Variants in KLHDC4 observed in about 807,000 individuals in gnomAD.
KLHDC4 encodes the protein kelch domain-containing protein 4.
Under a neutral mutation model 62.4 loss-of-function variants are expected in KLHDC4, and 90 were observed. That is an observed-to-expected ratio of 1.44 (90% CI 1.22 to 1.72). The LOEUF (loss-of-function observed/expected upper bound fraction) is 1.72, where lower values mean the gene tolerates loss of function less well. KLHDC4 is among the 40% of genes most tolerant of loss of function. KLHDC4 has a pLI of 0.00. For missense variants in KLHDC4, 1,025 were observed against 699.7 expected, an observed-to-expected ratio of 1.47 and a Z score of -5.25; for synonymous variants, 386 against 284.4, an observed-to-expected ratio of 1.36 and a Z score of -3.59.
At chr16:87,746,613 T>C (rs1233085328) in intron 5 of KLHDC4, among the ~76,000 whole-genome samples, 3 of 152,152 alleles carry the variant, frequency 2.0e-5, no homozygotes, top group Admixed American at 1.3e-4. Flanking sequence ...CAGGTCTCCC[T>C]TGCTAATGGT....
chr16:87,711,086 ACAGT>A lies in KLHDC4; in HGVS notation c.1044+145_1044+148del, dbSNP rs775167881. The A allele has an allele frequency of 3.9e-4, 266 of 688,342 alleles. 1 individual carries two copies. The East Asian group carries it at 4.1e-3, about 11-fold the overall frequency. 42.6% of individuals were successfully genotyped at this position (688,342 alleles called of 1,614,324 possible). A position where few individuals can be genotyped will look rare whatever the true frequency, so the allele number is the denominator to read the frequency against. On this transcript the variant is annotated intron_variant, in intron 9 of 11. Transcript: ENST00000270583. ...GGCTCTCCAAGCCTAGTCACCCAGG[ACAGT>A]CAGAGACGGAACCCTCGCCCCTCTT... is the stretch of plus-strand genomic sequence containing the variant.
intron 6 of KLHDC4, among the ~76,000 whole-genome samples, chr16:87,728,271 T>C (rs1456200536): frequency 6.6e-6 from 1 of 152,206 alleles, no homozygotes; most frequent in South Asian, 2.1e-4. Context: ...GCTCTTAATA[T>C]AGATAGAATC....
exon 1 of KLHDC4, chr16:87,700,774 G>C (rs1024643567): frequency 1.3e-5 from 3 of 224,608 alleles, no homozygotes; most frequent in African/African-American, 7.8e-5. Flanking sequence ...AGATTGGAGG[G>C]CGGAGGGAGG....
intron 2 of KLHDC4, among the ~76,000 whole-genome samples, chr16:87,759,688 C>T (rs542038463): frequency 4.9e-4 from 72 of 148,444 alleles, no homozygotes; most frequent in Middle Eastern, 3.7e-3. Context: ...TACAGTGAGC[C>T]GAGATCGTGC....
intron 8 of KLHDC4, among the ~76,000 whole-genome samples, chr16:87,714,118 CCA>C: frequency 6.6e-6 from 1 of 152,250 alleles, no homozygotes; most frequent in East Asian, 1.9e-4. Flanking sequence ...CCAGGCAGCC[CCA>C]GTGACTCCTG....
chr16:87,762,204 A>C (rs1332637557), intron 1 of KLHDC4, 164 bp from the exon 2 acceptor site: 1 of 1,405,866 alleles, frequency 7.1e-7, no homozygotes, highest in Middle Eastern at 2.6e-4. Flanking sequence ...GACACATTCG[A>C]AAGTAACCAG....
At chr16:87,744,988 C>T (rs1013075127) in intron 5 of KLHDC4, among the ~76,000 whole-genome samples, 1 of 151,814 alleles carries the variant, frequency 6.6e-6, no homozygotes, top group African/African-American at 2.4e-5. Flanking sequence ...TGCACACACG[C>T]GGTGCACACA....
intron 6 of KLHDC4, among the ~76,000 whole-genome samples, chr16:87,730,076 C>A (rs2040072841): frequency 6.6e-6 from 1 of 152,234 alleles, no homozygotes; most frequent in South Asian, 2.1e-4. Flanking sequence ...GCCTCAGCCT[C>A]CTGAGTAGCT....
intron 6 of KLHDC4, 31 bp downstream of exon 6, chr16:87,730,521 A>G (rs1212865019): frequency 1.6e-5 from 25 of 1,559,388 alleles, no homozygotes; most frequent in Non-Finnish European, 2.1e-5. Context: ...ATGCTTCAGG[A>G]GAGAAAGATT....
chr16:87,703,132 G>A (rs1050490655), downstream of KLHDC4: 28 of 152,388 alleles, frequency 1.8e-4, no homozygotes, highest in Admixed American at 7.8e-4. Context: ...CAATGGATGT[G>A]TGGACAGAGC....
chr16:87,701,535 A>ACGTGAGCC, exon 1 of KLHDC4: 1 of 380,414 alleles, frequency 2.6e-6, no homozygotes, highest in Non-Finnish European at 5.4e-6. Flanking sequence ...CACAGGCCAC[A>ACGTGAGCC]GTGTGGGCGT....
At chr16:87,744,416 CA>C (rs34553451) in intron 5 of KLHDC4, among the ~76,000 whole-genome samples, 31,298 of 108,108 alleles carry the variant, frequency 0.29, 3,647 homozygotes, top group South Asian at 0.49. Flanking sequence ...ACTCCGTCTC[CA>C]AAAAAAAAAA....
intron 7 of KLHDC4, among the ~76,000 whole-genome samples, chr16:87,725,459 C>T (rs1200248543): frequency 6.6e-6 from 1 of 152,186 alleles, no homozygotes; most frequent in African/African-American, 2.4e-5. Flanking sequence ...GCCACCGCGC[C>T]CAGCCTAAGC....
exon 1 of KLHDC4, chr16:87,701,355 G>A (rs565852558): frequency 9.5e-6 from 3 of 314,698 alleles, no homozygotes; most frequent in African/African-American, 2.2e-5. Flanking sequence ...ATACTGTGGA[G>A]AGAAGCTGAA....
chr16:87,727,530 G>A (rs2039585947), intron 6 of KLHDC4, among the ~76,000 whole-genome samples: 1 of 152,152 alleles, frequency 6.6e-6, no homozygotes, highest in African/African-American at 2.4e-5. Context: ...CTCTGTGCCC[G>A]AAATCACAGC....
chr16:87,702,519 G>A (rs118075941), exon 1 of KLHDC4: 13 of 355,990 alleles, frequency 3.7e-5, no homozygotes, highest in Non-Finnish European at 6.1e-5. Context: ...AGGCATGTCC[G>A]TGGCCTCCTC....
chr16:87,723,820 T>C (rs192570204), intron 7 of KLHDC4, among the ~76,000 whole-genome samples: 82 of 152,366 alleles, frequency 5.4e-4, no homozygotes, highest in Non-Finnish European at 1.0e-3. Flanking sequence ...AGGTATTCAA[T>C]GGAGAATAAA....
chr16:87,760,974 A>G (rs1400552294), intron 2 of KLHDC4, among the ~76,000 whole-genome samples: 1 of 152,174 alleles, frequency 6.6e-6, no homozygotes, highest in Non-Finnish European at 1.5e-5. Context: ...CAGAGGTTGT[A>G]GTGAGCCAAG....
rs772709602 is a variant in KLHDC4 at position 87,711,266 on chromosome 16, G to A, written c.1013C>T (p.Thr338Ile). 1.2e-6 allele frequency: 2 copies of A among 1,614,128 alleles called. No homozygotes were observed. The highest frequency in any genetic ancestry group is 1.7e-6 in the Non-Finnish European group (2 of 1,180,034). Residue 338 changes from threonine to isoleucine, a missense_variant, in exon 9 of 12, where the codon ACC becomes ATC. Physicochemically the swap from Thr to Ile is moderately conservative, Grantham distance 89. Coordinates refer to ENST00000270583, the MANE Select transcript of KLHDC4 (RefSeq NM_017566.4). ...FFNDLYFYDA[T>I]RNRWFEGQLK... Reference sequence around the variant, plus strand: ...CTGTCCCTCAAACCAACGGTTCCTGGTGGCGTCGTAGAAGTACAGATCGTT... The same window carrying A: ...CTGTCCCTCAAACCAACGGTTCCTGATGGCGTCGTAGAAGTACAGATCGTT...
Sources: gnomAD v4.1 joint callset for allele counts (sites outside exome capture counted in the v4.1 genomes callset) on GRCh38, gnomAD v4.1.1 for gene constraint, MANE v1.5 for transcripts, NCBI Gene and HGNC (gene_info 2026-07-23, HGNC 2026-07-21) for gene names.